WIPF1: variants seen among roughly 807,000 people sequenced by gnomAD.
The protein encoded by WIPF1 is WAS/WASL interacting protein family member 1.
A neutral mutation model predicts 35.4 loss-of-function variants in WIPF1; 13 were observed. The observed-to-expected ratio is 0.37, with a 90% confidence interval of 0.24 to 0.58. WIPF1 has a LOEUF of 0.58. Among genes scored for constraint, WIPF1 ranks in the 20% least tolerant of loss-of-function variants. The probability of loss-of-function intolerance (pLI) is 0.74; values close to 1 mark genes in which losing one functional copy is unlikely to be tolerated. For synonymous variants in WIPF1, 267 were observed against 266.3 expected (o/e 1.00, Z -0.02); for missense variants, 591 against 667.0 (o/e 0.89, Z 1.25).
chr2:174,576,243 A>AAAAAAAAAAAAAAAAAAAAAAAAAAAAC (rs1559149036), intron 3 of WIPF1, among the ~76,000 whole-genome samples: 4 of 150,348 alleles, frequency 2.7e-5, no homozygotes, highest in African/African-American at 7.5e-5. Flanking sequence ...AAAAAAAAAA[A>AAAAAAAAAAAAAAAAAAAAAAAAAAAAC]AAAAAACACT....
chr2:174,662,433 C>G (rs1348660212), intron 1 of WIPF1, among the ~76,000 whole-genome samples: 6 of 152,150 alleles, frequency 3.9e-5, no homozygotes, highest in African/African-American at 1.4e-4. Context: ...CTCTAGAGGA[C>G]AGGATACAGG....
chr2:174,642,583 G>A (rs1687321391), intron 1 of WIPF1, among the ~76,000 whole-genome samples: 2 of 151,690 alleles, frequency 1.3e-5, no homozygotes, highest in African/African-American at 2.4e-5. Flanking sequence ...TCTTGAGCTC[G>A]TGATCCACCT....
chr2:174,634,805 G>A (rs1406246761), intron 1 of WIPF1, among the ~76,000 whole-genome samples: 1 of 152,180 alleles, frequency 6.6e-6, no homozygotes, highest in African/African-American at 2.4e-5. Context: ...CTGGACTCCA[G>A]GCACTCCTGA....
chr2:174,641,802 T>C (rs1383422794), intron 1 of WIPF1, among the ~76,000 whole-genome samples: 1 of 152,242 alleles, frequency 6.6e-6, no homozygotes, highest in East Asian at 1.9e-4. Context: ...TGCCACATGC[T>C]TTGACATTGA....
intron 1 of WIPF1, among the ~76,000 whole-genome samples, chr2:174,637,408 T>C (rs1057217572): frequency 6.6e-6 from 1 of 152,218 alleles, no homozygotes; most frequent in Non-Finnish European, 1.5e-5. Flanking sequence ...GTGTCTTCAA[T>C]TTTAATTAGT....
chr2:174,657,820 G>T (rs1245112060), intron 1 of WIPF1, among the ~76,000 whole-genome samples: 1 of 150,246 alleles, frequency 6.7e-6, no homozygotes, highest in Non-Finnish European at 1.5e-5. Flanking sequence ...TGGGGCAGGA[G>T]AATTGCTTGA....
Position 174,562,006 on chromosome 2 carries a change from C to T in WIPF1, c.*541G>A. The T allele has an allele frequency of 6.8e-7, 1 of 1,477,440 alleles. No homozygotes were observed. The highest frequency in any genetic ancestry group is 9.2e-7 in the Non-Finnish European group (1 of 1,085,978). 91.5% of individuals were successfully genotyped at this position (1,477,440 alleles called of 1,614,324 possible). ...AGAAATGTAAAAATTGTATATGGGG[C>T]TCACATTATATTTCTATTGGACAGC... On this transcript the variant is annotated 3_prime_UTR_variant, in exon 8 of 8. Coordinates refer to ENST00000679041, the MANE Select transcript of WIPF1 (RefSeq NM_001375834.1).
intron 5 of WIPF1, among the ~76,000 whole-genome samples, chr2:174,569,581 T>C (rs1472602033): frequency 6.6e-6 from 1 of 152,172 alleles, no homozygotes; most frequent in Non-Finnish European, 1.5e-5. Flanking sequence ...GGCACCCTGC[T>C]CCAAATCCTG....
At chr2:174,643,827 T>C (rs886208982) in intron 1 of WIPF1, among the ~76,000 whole-genome samples, 2 of 152,238 alleles carry the variant, frequency 1.3e-5, no homozygotes, top group Admixed American at 1.3e-4. Context: ...ATGTCTCATT[T>C]AGTATTTTTT....
At chr2:174,623,595 G>A (rs1212491124) in intron 1 of WIPF1, 4 of 152,164 alleles carry the variant, frequency 2.6e-5, no homozygotes, top group African/African-American at 9.7e-5. Context: ...TGAACTAGAT[G>A]GGAAAAATAG....
intron 1 of WIPF1, among the ~76,000 whole-genome samples, chr2:174,597,081 G>A (rs1043868929): frequency 5.9e-5 from 9 of 152,170 alleles, no homozygotes; most frequent in East Asian, 1.9e-4. Context: ...AAGACAAATC[G>A]TATTATAAAA....
rs1559146749 is a variant in WIPF1 at position 174,571,670 on chromosome 2, T to TC, written c.1129+5dup. On this transcript the variant is annotated splice_donor_region_variant and intron_variant, in intron 5 of 7. Coordinates refer to ENST00000679041, the MANE Select transcript of WIPF1 (RefSeq NM_001375834.1). The surrounding 1 kb of genome is among the most constrained non-coding windows in gnomAD (Gnocchi z 4.6). ...TGGAAGCAACTCACTCCACGTCTTG[T>TC]CATACCTGATCGGCCTGGCGGGTCC... 1 of 1,614,068 alleles carries TC rather than the reference T, an allele frequency of 6.2e-7. No individual in the cohort carries two copies. The highest frequency in any genetic ancestry group is 8.5e-7 in the Non-Finnish European group (1 of 1,180,048).
chr2:174,621,361 G>A (rs1041602457), intron 1 of WIPF1, among the ~76,000 whole-genome samples: 1 of 152,176 alleles, frequency 6.6e-6, no homozygotes, highest in Non-Finnish European at 1.5e-5. Flanking sequence ...GCTTGAGATC[G>A]AGTGAGGTAT....
chr2:174,607,989 T>A (rs1686224354), intron 1 of WIPF1, among the ~76,000 whole-genome samples: 1 of 152,142 alleles, frequency 6.6e-6, no homozygotes, highest in African/African-American at 2.4e-5. Context: ...CAGGATAAAG[T>A]GGAAATTGTT....
chr2:174,615,157 T>C (rs1277997932), intron 1 of WIPF1, among the ~76,000 whole-genome samples: 1 of 152,222 alleles, frequency 6.6e-6, no homozygotes, highest in Non-Finnish European at 1.5e-5. Context: ...TACAATATAT[T>C]ACTTAGGGAA....
chr2:174,636,857 G>A (rs548655175), intron 1 of WIPF1, among the ~76,000 whole-genome samples: 28 of 152,330 alleles, frequency 1.8e-4, no homozygotes, highest in African/African-American at 6.5e-4. Flanking sequence ...TCAGATATAT[G>A]TACTATCTAC....
chr2:174,640,914 T>A (rs927655819), intron 1 of WIPF1, among the ~76,000 whole-genome samples: 14 of 152,082 alleles, frequency 9.2e-5, no homozygotes, highest in Non-Finnish European at 2.1e-4. Context: ...ATCCTGAAAT[T>A]CATATGAAAC....
intron 5 of WIPF1, among the ~76,000 whole-genome samples, 170 bp from the exon 6 acceptor site, chr2:174,568,243 G>T (rs1166766859): frequency 6.6e-6 from 1 of 152,094 alleles, no homozygotes; most frequent in Non-Finnish European, 1.5e-5. Context: ...CACAAAAATT[G>T]CACATGTGTA....
rs369445619 is a variant in WIPF1 at position 174,644,647 on chromosome 2, A to T, written c.-39+38127T>A. 5.9e-5 allele frequency among the ~76,000 whole-genome samples: 9 copies of T among 152,094 alleles called. No individual in the cohort carries two copies. In the East Asian group the frequency reaches 1.7e-3, roughly 29 times the overall value. ...AGGCTCTCAGGGTGGGTTTCCTACT[A>T]CCTCATTTCCAGTCACTAAAAGCCA... On this transcript the variant is annotated intron_variant, in intron 1 of 8. Coordinates refer to the WIPF1 transcript ENST00000272746.
Sources: allele counts gnomAD v4.1 joint callset (sites outside exome capture counted in the v4.1 genomes callset), GRCh38; gene constraint gnomAD v4.1.1; non-coding constraint Gnocchi (gnomAD v3.1); transcripts MANE v1.5; gene names NCBI Gene and HGNC (gene_info 2026-07-23, HGNC 2026-07-21).